The following HAO2 variants were observed in gnomAD, a reference collection of about 807,000 sequenced individuals.
HAO2 encodes hydroxyacid oxidase 2, also known as 2-Hydroxyacid oxidase 2.
A neutral mutation model predicts 37.4 loss-of-function variants in HAO2; 42 were observed. The ratio of observed to expected loss-of-function variants is 1.12; its 90% confidence interval spans 0.88 to 1.45. The LOEUF is 1.45. HAO2 is among the 40% of genes most tolerant of loss of function. The pLI is 0.00. For missense variants in HAO2, 476 were observed against 430.2 expected (o/e 1.11, Z -0.94); for synonymous variants, 180 against 162.8 (o/e 1.11, Z -0.81).
chr1:119,384,500 G>T (rs1289585157), intron 3 of HAO2, among the ~76,000 whole-genome samples: 4 of 152,182 alleles, frequency 2.6e-5, no homozygotes, highest in Non-Finnish European at 4.4e-5. Context: ...CAACCAACAT[G>T]ATTCTGGAGA....
intron 2 of HAO2, 89 bp downstream of exon 2, chr1:119,381,305 A>G: frequency 1.1e-6 from 1 of 923,002 alleles, no homozygotes; most frequent in Non-Finnish European, 1.8e-6. Context: ...TTCTGCCTCC[A>G]AAAAACACAG....
Position 119,382,917 on chromosome 1 carries a change from T to G in HAO2, c.134T>G (p.Ile45Ser). Residue 45 changes from isoleucine to serine, a missense_variant and splice_region_variant, in exon 3 of 8, where the codon ATT (isoleucine) becomes AGT (serine). Coordinates refer to ENST00000325945, the MANE Select transcript of HAO2 (RefSeq NM_016527.4). ...RDDNIAAFKRIRLRPRYLRDV... is the reference protein window; with the variant it reads ...RDDNIAAFKRSRLRPRYLRDV... ...GATCTCTTTGTTGTCCGGCACAGAA[T>G]TCGCCTCCGTCCGCGGTACCTGAGA... The G allele has an allele frequency of 6.2e-7, 1 of 1,613,412 alleles. No homozygotes were observed. Among genetic ancestry groups the G allele is most frequent in the Non-Finnish European group, 8.5e-7 (1 of 1,179,530 alleles).
chr1:119,380,611 G>A (rs1291074274), intron 1 of HAO2: 1 of 953,698 alleles, frequency 1.0e-6, no homozygotes. Context: ...CTAGAAAGCT[G>A]GGAATGCCAT....
Position 119,386,769 on chromosome 1 carries a change from A to G in HAO2, c.709A>G (p.Asn237Asp). 6.2e-7 allele frequency: 1 copy of G among 1,613,900 alleles called. No homozygotes were observed. Among genetic ancestry groups the G allele is most frequent in the Non-Finnish European group, 8.5e-7 (1 of 1,179,810 alleles). The change falls in exon 5 of 8, where the codon AAT becomes GAT. Residue 237 changes from asparagine (N) to aspartate (D), a missense_variant. Coordinates refer to ENST00000325945, the MANE Select transcript of HAO2 (RefSeq NM_016527.4). The stretch of plus-strand genomic sequence containing the variant: ...GGATGCAGAGTTAGCTGTGAAGCAC[A>G]ATGTCCAGGGTATCATTGTTTCCAA... The part of the protein sequence containing the change: ...KEDAELAVKH[N>D]VQGIIVSNHG...
intron 4 of HAO2, 43 bp downstream of exon 4, chr1:119,385,096 C>T: frequency 1.3e-6 from 2 of 1,581,488 alleles, no homozygotes; most frequent in Non-Finnish European, 1.7e-6. Flanking sequence ...TTACAAGAGG[C>T]AAATTTCCTT....
intron 5 of HAO2, among the ~76,000 whole-genome samples, chr1:119,387,842 C>G (rs1244386320): frequency 5.3e-5 from 8 of 152,140 alleles, no homozygotes; most frequent in Admixed American, 5.2e-4. Context: ...ATAGCACAAT[C>G]TCAAGTACTT....
intron 1 of HAO2, among the ~76,000 whole-genome samples, chr1:119,371,357 A>T (rs1049117922): frequency 6.6e-6 from 1 of 152,222 alleles, no homozygotes; most frequent in Non-Finnish European, 1.5e-5. Flanking sequence ...GGAATAACGT[A>T]TAGAAGAGTG....
At chr1:119,371,277 T>C (rs1411177844) in intron 1 of HAO2, among the ~76,000 whole-genome samples, 1 of 152,208 alleles carries the variant, frequency 6.6e-6, no homozygotes, top group Non-Finnish European at 1.5e-5. Context: ...AGCTTTAATG[T>C]TTTTATCTAT....
At chr1:119,392,448 C>A in intron 6 of HAO2, 170 bp from the exon 7 acceptor site, 1 of 707,064 alleles carries the variant, frequency 1.4e-6, no homozygotes. Context: ...TAGCTTTCAT[C>A]CCCTATCTTT....
At chr1:119,378,720 T>C (rs1649678396) in intron 1 of HAO2, among the ~76,000 whole-genome samples, 1 of 152,202 alleles carries the variant, frequency 6.6e-6, no homozygotes, top group Non-Finnish European at 1.5e-5. Context: ...TTAGACATAA[T>C]GTTTGTGGCA....
At chr1:119,385,686 G>A in intron 4 of HAO2, 1 of 985,394 alleles carries the variant, frequency 1.0e-6, no homozygotes, top group Non-Finnish European at 1.2e-6. Flanking sequence ...GCCTCAGAGA[G>A]AGACAGCCAT....
chr1:119,375,501 A>T (rs1288533903), intron 1 of HAO2, among the ~76,000 whole-genome samples: 2 of 152,304 alleles, frequency 1.3e-5, no homozygotes, highest in Non-Finnish European at 1.5e-5. Context: ...GTCATTTATG[A>T]GAACCAACTA....
chr1:119,376,605 G>T (rs1270025066), intron 1 of HAO2, among the ~76,000 whole-genome samples: 1 of 152,210 alleles, frequency 6.6e-6, no homozygotes, highest in Non-Finnish European at 1.5e-5. Flanking sequence ...TCCTAGCAGA[G>T]GTTCTCCATT....
chr1:119,378,807 C>G (rs970595084), intron 1 of HAO2, among the ~76,000 whole-genome samples: 15 of 152,064 alleles, frequency 9.9e-5, no homozygotes, highest in Non-Finnish European at 1.8e-4. Context: ...ATTGAGATAT[C>G]AGGAGTTGAA....
At chr1:119,377,483 A>G (rs1649564335) in intron 1 of HAO2, among the ~76,000 whole-genome samples, 2 of 152,046 alleles carry the variant, frequency 1.3e-5, no homozygotes, top group Admixed American at 1.3e-4. Context: ...AGCCCTCCAA[A>G]CTGTTCCAAC....
At position 119,385,062 on chromosome 1, in the gene HAO2, G is replaced by C. The variant is rs778215274; in HGVS notation, c.561+9G>C. ...TTCAATCACCTAAAAAGGTAAGAAA[G>C]ATACCAAATTCGATGGACAGGCATT... is the stretch of plus-strand genomic sequence containing the variant. On this transcript the variant is annotated intron_variant, in intron 4 of 7. Transcript: ENST00000325945. 5.6e-6 allele frequency: 9 copies of C among 1,601,374 alleles called. No homozygotes were observed. In the African/African-American group the frequency reaches 1.1e-4, roughly 19 times the overall value.
chr1:119,384,779 C>T lies in HAO2; in HGVS notation c.287C>T (p.Ala96Val). Reference protein sequence around the residue: ...PDGEMSTARAAQAAGICYITS... With the variant: ...PDGEMSTARAVQAAGICYITS... ...AGTCATGTCCTTTGCTTTACAGCTG[C>T]CCAAGCGGCTGGTATCTGCTACATC... is the stretch of plus-strand genomic sequence containing the variant. Residue 96 changes from alanine to valine, a missense_variant, in exon 4 of 8, where the codon GCC (alanine) becomes GTC (valine). Physicochemically the swap from Ala to Val is moderately conservative, Grantham distance 64. Transcript: ENST00000325945. 1.9e-6 allele frequency: 3 copies of T among 1,613,622 alleles called. No individual in the cohort carries two copies. The highest frequency in any genetic ancestry group is 2.5e-6 in the Non-Finnish European group (3 of 1,179,726).
chr1:119,372,176 T>C (rs1649087977), intron 1 of HAO2, among the ~76,000 whole-genome samples: 1 of 152,216 alleles, frequency 6.6e-6, no homozygotes, highest in Admixed American at 6.5e-5. Context: ...TGTAAAGCAA[T>C]GTTATTGTAT....
intron 1 of HAO2, among the ~76,000 whole-genome samples, chr1:119,374,488 C>A (rs973673920): frequency 1.3e-5 from 2 of 152,174 alleles, no homozygotes; most frequent in East Asian, 1.9e-4. Flanking sequence ...TAAAATGTAG[C>A]CTTGATATTA....
Sources: allele counts gnomAD v4.1 joint callset (sites outside exome capture counted in the v4.1 genomes callset), GRCh38; gene constraint gnomAD v4.1.1; transcripts MANE v1.5; gene names NCBI Gene and HGNC (gene_info 2026-07-23, HGNC 2026-07-21).